Variants in LEKR1 observed in about 807,000 individuals in gnomAD.
LEKR1 encodes the protein leucine, glutamate and lysine rich 1.
Under a neutral mutation model 72.4 loss-of-function variants are expected in LEKR1, and 59 were observed. The observed-to-expected ratio is 0.82, with a 90% confidence interval of 0.66 to 1.01. LEKR1 has a LOEUF of 1.01. Among genes scored for constraint, LEKR1 ranks in the 50% least tolerant of loss-of-function variants. LEKR1 has a pLI of 0.00. For missense variants in LEKR1, 728 were observed against 759.2 expected, an observed-to-expected ratio of 0.96 and a Z score of 0.48; for synonymous variants, 257 against 263.2, an observed-to-expected ratio of 0.98 and a Z score of 0.23.
chr3:156,904,803 ATG>A (rs1284013397), intron 3 of LEKR1, among the ~76,000 whole-genome samples: 1 of 151,746 alleles, frequency 6.6e-6, no homozygotes. Flanking sequence ...CAACCTATGT[ATG>A]TGTGTGTGTA....
chr3:157,018,592 A>G (rs1733567699), intron 10 of LEKR1, among the ~76,000 whole-genome samples: 2 of 152,150 alleles, frequency 1.3e-5, no homozygotes, highest in Non-Finnish European at 2.9e-5. Context: ...ACTATGCTGT[A>G]CAGATGTAGG....
Position 156,992,688 on chromosome 3 carries a change from A to C in LEKR1, c.863A>C (p.Glu288Ala). The C allele has an allele frequency of 9.7e-7, 1 of 1,031,398 alleles. No homozygotes were observed. The highest frequency in any genetic ancestry group is 1.2e-6 in the Non-Finnish European group (1 of 817,730). The allele number at this position is 1,031,398 out of a possible 1,614,324, so 63.9% of individuals were successfully genotyped here. A position where few individuals can be genotyped will look rare whatever the true frequency, so the allele number is the denominator to read the frequency against. The change falls in exon 8 of 13, where the codon GAA becomes GCA. Residue 288 changes from glutamate to alanine, a missense_variant. Glu to Ala is a moderately radical substitution (Grantham distance 107, BLOSUM62 -1). Transcript: ENST00000356539. ...AATGAAGCTGATGACTGTCAAAGAGAACTTAAAAAACTGAAGTTTGAATCC... is the reference window on the plus strand; with the variant it reads ...AATGAAGCTGATGACTGTCAAAGAGCACTTAAAAAACTGAAGTTTGAATCC... Reference protein sequence around the residue: ...KSNEADDCQRELKKLKFESII... With the variant: ...KSNEADDCQRALKKLKFESII...
intron 9 of LEKR1, among the ~76,000 whole-genome samples, chr3:156,994,784 G>A (rs1220466434): frequency 6.6e-6 from 1 of 152,148 alleles, no homozygotes; most frequent in Non-Finnish European, 1.5e-5. Flanking sequence ...CAAAGTATTT[G>A]GTTTAGAACT....
At chr3:156,999,280 C>G (rs560673139) in intron 9 of LEKR1, among the ~76,000 whole-genome samples, 4 of 152,246 alleles carry the variant, frequency 2.6e-5, no homozygotes, top group African/African-American at 9.6e-5. Flanking sequence ...ATACACAAAA[C>G]CCAGCACATT....
intron 9 of LEKR1, among the ~76,000 whole-genome samples, chr3:157,005,778 CA>C (rs1732373512): frequency 6.6e-6 from 1 of 152,004 alleles, no homozygotes; most frequent in African/African-American, 2.4e-5. Context: ...AATATATTTG[CA>C]AAGGATCTAT....
chr3:156,922,175 A>G (rs1429571835), intron 4 of LEKR1, among the ~76,000 whole-genome samples: 2 of 152,206 alleles, frequency 1.3e-5, no homozygotes, highest in East Asian at 3.8e-4. Flanking sequence ...TATTGTTTTT[A>G]TACTTTCACT....
At chr3:156,999,196 T>C (rs908104798) in intron 9 of LEKR1, among the ~76,000 whole-genome samples, 2 of 152,156 alleles carry the variant, frequency 1.3e-5, no homozygotes, top group African/African-American at 2.4e-5. Flanking sequence ...CTTTCCTTTA[T>C]AAATTACCCA....
chr3:156,917,157 C>A (rs1288523960), intron 3 of LEKR1, among the ~76,000 whole-genome samples: 1 of 151,936 alleles, frequency 6.6e-6, no homozygotes, highest in Non-Finnish European at 1.5e-5. Flanking sequence ...AATGTGATAG[C>A]AGAAGTTAAA....
rs528219634 is a variant in LEKR1 at position 156,862,737 on chromosome 3, C to T, written c.263+9755C>T. Among the ~76,000 whole-genome samples the T allele has an allele frequency of 6.9e-4, 105 of 152,190 alleles. 1 individual carries two copies. The South Asian group carries it at 0.022, about 32-fold the overall frequency. ...TTGAGTCTAGGAAATATCCTAATCT[C>T]AGCTCTCCCACAATTAATTCCAATT... On this transcript the variant is annotated intron_variant, in intron 3 of 12. Coordinates refer to ENST00000356539, the MANE Select transcript of LEKR1 (RefSeq NM_001004316.3).
chr3:156,931,196 C>A (rs1406155173), intron 5 of LEKR1, among the ~76,000 whole-genome samples: 1 of 152,018 alleles, frequency 6.6e-6, no homozygotes, highest in South Asian at 2.1e-4. Flanking sequence ...GCCTACAAGT[C>A]AATAATAAAA....
rs190227645 is a variant in LEKR1 at position 156,942,090 on chromosome 3, A to C, written c.560-439A>C. Among the ~76,000 whole-genome samples the C allele has an allele frequency of 3.3e-3, 506 of 152,108 alleles. 2 individuals carry two copies. The highest frequency in any genetic ancestry group is 4.9e-3 in the Non-Finnish European group (332 of 67,966). On this transcript the variant is annotated intron_variant, in intron 5 of 12. Coordinates refer to ENST00000356539, the MANE Select transcript of LEKR1 (RefSeq NM_001004316.3). ...CACTCTACTCCTAAAATCTTTCTTC[A>C]TAATTTGTAGAGAATGTATTCTAGT...
intron 6 of LEKR1, among the ~76,000 whole-genome samples, chr3:156,953,121 A>G (rs1727313230): frequency 6.6e-6 from 1 of 151,044 alleles, no homozygotes; most frequent in African/African-American, 2.4e-5. Flanking sequence ...ATTTGGAGGC[A>G]ATCAGAATTA....
At chr3:156,960,807 A>G (rs1007105159) in intron 6 of LEKR1, among the ~76,000 whole-genome samples, 1 of 152,204 alleles carries the variant, frequency 6.6e-6, no homozygotes, top group Non-Finnish European at 1.5e-5. Context: ...TTTTTCATAG[A>G]AAAGCCAACA....
At chr3:157,003,480 C>T (rs1393790424) in intron 9 of LEKR1, among the ~76,000 whole-genome samples, 1 of 152,140 alleles carries the variant, frequency 6.6e-6, no homozygotes, top group African/African-American at 2.4e-5. Context: ...ATCAAGGTGT[C>T]AGCAGGGCTG....
At chr3:157,028,910 G>T (rs1032042) in intron 12 of LEKR1, among the ~76,000 whole-genome samples, 111,758 of 152,108 alleles carry the variant, frequency 0.73, 41,506 homozygotes, top group East Asian at 0.93. Flanking sequence ...TTCAGTGATG[G>T]TTTTCATTCA....
At chr3:156,883,157 A>C (rs532313495) in intron 3 of LEKR1, among the ~76,000 whole-genome samples, 2 of 143,768 alleles carry the variant, frequency 1.4e-5, no homozygotes, top group East Asian at 3.9e-4. Context: ...TATAATAATA[A>C]TAAAGAACGA....
intron 12 of LEKR1, among the ~76,000 whole-genome samples, chr3:157,039,739 G>A (rs777124567): frequency 4.6e-5 from 7 of 152,118 alleles, no homozygotes; most frequent in Non-Finnish European, 1.0e-4. Context: ...TTGCAAGAGG[G>A]ACTTGCTTAG....
chr3:156,986,972 G>A lies in LEKR1; in HGVS notation c.828-5681G>A, dbSNP rs111836744. 2.7e-3 allele frequency among the ~76,000 whole-genome samples: 404 copies of A among 152,214 alleles called. 4 individuals are homozygous for A. The highest frequency in any genetic ancestry group is 9.2e-3 in the African/African-American group (380 of 41,518). On this transcript the variant is annotated intron_variant, in intron 7 of 12. Transcript: ENST00000356539. ...TTAAGAATGGCTGTTCCATATAAGC[G>A]AATGGAGTGGCATATAGCATCACCT...
intron 6 of LEKR1, among the ~76,000 whole-genome samples, chr3:156,950,759 T>G (rs1727084331): frequency 6.6e-6 from 1 of 151,728 alleles, no homozygotes; most frequent in African/African-American, 2.4e-5. Context: ...CTCAAGGAAC[T>G]TTTGTGTCAA....
Sources: allele counts gnomAD v4.1 joint callset (sites outside exome capture counted in the v4.1 genomes callset), GRCh38; gene constraint gnomAD v4.1.1; transcripts MANE v1.5; gene names NCBI Gene and HGNC (gene_info 2026-07-23, HGNC 2026-07-21).